The following ZER1 variants were observed in gnomAD, a reference collection of about 807,000 sequenced individuals.
The protein encoded by ZER1 is zyg-11 related cell cycle regulator.
ZER1 carries 11 observed loss-of-function variants against 78.8 expected under a neutral mutation model. The ratio of observed to expected loss-of-function variants is 0.14; its 90% CI spans 0.09 to 0.23. The LOEUF (loss-of-function observed/expected upper bound fraction) is 0.23, where lower values mean the gene tolerates loss of function less well. Ranked by LOEUF, ZER1 falls within the 10% of genes least tolerant of loss-of-function variation. ZER1 has a pLI of 1.00. For synonymous variants in ZER1, 400 were observed against 407.0 expected, an observed-to-expected ratio of 0.98 and a Z score of 0.21; for missense variants, 588 against 996.9, an observed-to-expected ratio of 0.59 and a Z score of 5.52.
Position 128,754,476 on chromosome 9 carries a change from T to C in ZER1, c.159-517A>G, listed in dbSNP as rs1308892546. Among the ~76,000 whole-genome samples the C allele has an allele frequency of 6.6e-6, 1 of 152,198 alleles. No individual in the cohort carries two copies. Among genetic ancestry groups the C allele is most frequent in the Non-Finnish European group, 1.5e-5 (1 of 68,034 alleles). On this transcript the variant is annotated intron_variant, in intron 2 of 15. Transcript: ENST00000291900. This position sits in a 1 kb window ranked among gnomAD's most constrained non-coding sequence, Gnocchi z 4.3. Reference sequence around the variant, plus strand: ...AATCTTGGCTTGGCTGCTTCCTACCTGGGCAACTTCACACAAGTAAATGAA... The same window carrying C: ...AATCTTGGCTTGGCTGCTTCCTACCCGGGCAACTTCACACAAGTAAATGAA...
chr9:128,738,585 C>T (rs1303746138), intron 13 of ZER1, among the ~76,000 whole-genome samples: 2 of 150,166 alleles, frequency 1.3e-5, no homozygotes, highest in East Asian at 3.9e-4. Flanking sequence ...TGGGGTTTCA[C>T]TGCGTTAGCC....
Position 128,754,083 on chromosome 9 carries a change from A to C in ZER1, c.159-124T>G. The stretch of plus-strand genomic sequence containing the variant: ...CCCAAGTAGCAACCTCCTTCTCCTA[A>C]GAGTATCTGGTCAGATCCTGACTAA... On this transcript the variant is annotated intron_variant, in intron 2 of 15. Transcript: ENST00000291900. The surrounding 1 kb of genome is among the most constrained non-coding windows in gnomAD (Gnocchi z 4.3). 1 of 1,240,582 alleles carries C rather than the reference A, an allele frequency of 8.1e-7. No individual in the cohort carries two copies. Among genetic ancestry groups the C allele is most frequent in the Non-Finnish European group, 1.1e-6 (1 of 897,582 alleles). 76.8% of individuals were successfully genotyped at this position (1,240,582 alleles called of 1,614,324 possible).
intron 4 of ZER1, 90 bp from the exon 5 acceptor site, chr9:128,752,939 G>T: frequency 2.0e-6 from 3 of 1,477,510 alleles, no homozygotes; most frequent in Non-Finnish European, 2.7e-6. Context: ...TGTAGCAGGG[G>T]AGGGCCCATT....
chr9:128,755,603 TC>T lies in ZER1; in HGVS notation c.-39del. ...CAGGTGGGCCACTCCAGGACAAGGA[TC>T]CCCAGGGGCAACAGTGATTCCTGAA... On this transcript the variant is annotated 5_prime_UTR_variant, in exon 2 of 16. Coordinates refer to ENST00000291900, the MANE Select transcript of ZER1 (RefSeq NM_006336.4). This position sits in a 1 kb window ranked among gnomAD's most constrained non-coding sequence, Gnocchi z 5.6. 6 of 1,592,536 alleles carry T rather than the reference TC, an allele frequency of 3.8e-6. No individual in the cohort carries two copies. The highest frequency in any genetic ancestry group is 5.2e-6 in the Non-Finnish European group (6 of 1,162,956).
chr9:128,751,241 C>T lies in ZER1; in HGVS notation c.1066G>A (p.Val356Met). ...GTGTAGGCCTCGATGGCATTCAGCACCTGCTCTTCGTTTTTGTCACCACTT... is the reference window on the plus strand; with the variant it reads ...GTGTAGGCCTCGATGGCATTCAGCATCTGCTCTTCGTTTTTGTCACCACTT... ...KVSGDKNEEQ[V>M]LNAIEAYTEH... The change falls in exon 7 of 16, where the codon GTG becomes ATG. Residue 356 changes from valine to methionine, a missense_variant. By Grantham distance (21) the Val-to-Met change is conservative. This residue lies in a region of ZER1 where 406 missense variants were observed against 660.1 expected (regional missense o/e 0.62). Transcript: ENST00000291900. The surrounding 1 kb of genome is among the most constrained non-coding windows in gnomAD (Gnocchi z 5.4). 6 of 1,601,438 alleles carry T rather than the reference C, an allele frequency of 3.7e-6. No individual in the cohort carries two copies. The highest frequency in any genetic ancestry group is 5.1e-6 in the Non-Finnish European group (6 of 1,169,550).
In ZER1 at chr9:128,762,116, T is replaced by C. The variant is rs556358878; in HGVS notation, c.-94-6457A>G. On this transcript the variant is annotated intron_variant, in intron 1 of 15. Coordinates refer to ENST00000291900, the MANE Select transcript of ZER1 (RefSeq NM_006336.4). ...AACATTATGACATTTATGGACTTTT[T>C]TTTTTTTTTAGCTCATCTGCTGTTG... 4.6e-5 allele frequency among the ~76,000 whole-genome samples: 7 copies of C among 152,278 alleles called. No individual in the cohort carries two copies. In the East Asian group the frequency reaches 7.7e-4, roughly 17 times the overall value.
intron 1 of ZER1, among the ~76,000 whole-genome samples, chr9:128,760,471 G>A (rs1176938907): frequency 6.6e-6 from 1 of 152,110 alleles, no homozygotes; most frequent in African/African-American, 2.4e-5. Context: ...CAAAGTGCTG[G>A]GATTACAGGC....
chr9:128,740,653 G>C lies in ZER1; in HGVS notation c.1853+119C>G. 1 of 612,758 alleles carries C rather than the reference G, an allele frequency of 1.6e-6. No homozygotes were observed. The highest frequency in any genetic ancestry group is 3.0e-6 in the Non-Finnish European group (1 of 336,474). The allele number at this position is 612,758 out of a possible 1,614,324, so 38.0% of individuals were successfully genotyped here. A position where few individuals can be genotyped will look rare whatever the true frequency, so the allele number is the denominator to read the frequency against. On this transcript the variant is annotated intron_variant, in intron 12 of 15. Coordinates refer to ENST00000291900, the MANE Select transcript of ZER1 (RefSeq NM_006336.4). The surrounding 1 kb of genome is among the most constrained non-coding windows in gnomAD (Gnocchi z 4.4). The stretch of plus-strand genomic sequence containing the variant: ...TGAATGAATAAGAAACCACATTATC[G>C]AGGGAAAATGACATTTATAGCAAAC...
intron 14 of ZER1, 47 bp downstream of exon 14, chr9:128,735,287 G>C (rs763688091): frequency 6.5e-7 from 1 of 1,549,008 alleles, no homozygotes; most frequent in Non-Finnish European, 8.8e-7. Context: ...GGGCACATCT[G>C]CTTTCAGCTG....
At chr9:128,736,348 A>G (rs1463581781) in intron 13 of ZER1, among the ~76,000 whole-genome samples, 1 of 151,690 alleles carries the variant, frequency 6.6e-6, no homozygotes, top group Non-Finnish European at 1.5e-5. Context: ...GGCCTCCCAA[A>G]GTGCTGGGAT....
rs910400535 is a variant in ZER1 at position 128,732,672 on chromosome 9, G to C, written c.2243+754C>G. On this transcript the variant is annotated intron_variant, in intron 15 of 15. Transcript: ENST00000291900. The surrounding 1 kb of genome is among the most constrained non-coding windows in gnomAD (Gnocchi z 4.8). The stretch of plus-strand genomic sequence containing the variant: ...TGAGCCACTTCGCCTGGCCAGTAGC[G>C]CCTTTGGCCAGATATAATAGCAGAA... 1.3e-5 allele frequency among the ~76,000 whole-genome samples: 2 copies of C among 152,146 alleles called. No homozygotes were observed. Among genetic ancestry groups the C allele is most frequent in the African/African-American group, 4.8e-5 (2 of 41,442 alleles).
intron 8 of ZER1, among the ~76,000 whole-genome samples, chr9:128,745,170 C>T (rs376584726): frequency 2.0e-5 from 3 of 150,660 alleles, no homozygotes. Context: ...GTACTGTCTG[C>T]AGGTTTATTT....
At chr9:128,768,083 TG>T (rs1264800967) in intron 1 of ZER1, among the ~76,000 whole-genome samples, 1 of 152,166 alleles carries the variant, frequency 6.6e-6, no homozygotes, top group African/African-American at 2.4e-5. Context: ...CCAATAATTA[TG>T]AAGAGTGATG....
chr9:128,733,570 T>C (rs1263690472), intron 14 of ZER1, 42 bp from the exon 15 acceptor site: 2 of 1,575,258 alleles, frequency 1.3e-6, no homozygotes, highest in African/African-American at 2.7e-5. Context: ...GGATGGGTCT[T>C]CTTATCAGCC....
At position 128,731,059 on chromosome 9, in the gene ZER1, G is replaced by C. The variant is rs540274487; in HGVS notation, c.*278C>G. 5.9e-6 allele frequency: 1 copy of C among 168,720 alleles called. No individual in the cohort carries two copies. The highest frequency in any genetic ancestry group is 2.4e-5 in the African/African-American group (1 of 41,944). 10.5% of individuals were successfully genotyped at this position (168,720 alleles called of 1,614,324 possible). ...ATGAAGGCTGAGTGGGTTTGAGAAT[G>C]GCCAAGGAAGCTGCAAGGACTCAGG... On this transcript the variant is annotated 3_prime_UTR_variant, in exon 16 of 16. Coordinates refer to ENST00000291900, the MANE Select transcript of ZER1 (RefSeq NM_006336.4).
At position 128,767,309 on chromosome 9, in the gene ZER1, C is replaced by T. The variant is rs188827667; in HGVS notation, c.-95+4272G>A. Among the ~76,000 whole-genome samples the T allele has an allele frequency of 2.2e-3, 340 of 152,058 alleles. 1 individual carries two copies. Among genetic ancestry groups the T allele is most frequent in the Non-Finnish European group, 3.6e-3 (244 of 68,006 alleles). The stretch of plus-strand genomic sequence containing the variant: ...TCACCCAGGCTGGAGTGCAGTGGTA[C>T]GATCTCAGCTCGCTGCAACCTCCAC... On this transcript the variant is annotated intron_variant, in intron 1 of 15. Coordinates refer to ENST00000291900, the MANE Select transcript of ZER1 (RefSeq NM_006336.4).
chr9:128,770,589 T>C (rs1864352733), intron 1 of ZER1, among the ~76,000 whole-genome samples: 3 of 152,274 alleles, frequency 2.0e-5, no homozygotes, highest in South Asian at 4.1e-4. Flanking sequence ...AACTCCCAAC[T>C]CCTTCCCCAT....
At chr9:128,765,568 C>T (rs186364701) in intron 1 of ZER1, among the ~76,000 whole-genome samples, 1 of 152,260 alleles carries the variant, frequency 6.6e-6, no homozygotes, top group Non-Finnish European at 1.5e-5. Context: ...GAGGTGGGAG[C>T]ATGGGATCCC....
rs538440686 is a variant in ZER1 at position 128,732,017 on chromosome 9, G to A, written c.2244-623C>T. Among the ~76,000 whole-genome samples, 14 of 152,376 alleles carry A rather than the reference G, an allele frequency of 9.2e-5. No homozygotes were observed. In the East Asian group the frequency reaches 1.5e-3, roughly 17 times the overall value. On this transcript the variant is annotated intron_variant, in intron 15 of 15. Transcript: ENST00000291900. The surrounding 1 kb of genome is among the most constrained non-coding windows in gnomAD (Gnocchi z 4.8). Reference sequence around the variant, plus strand: ...GGACAGCTTGCCCATTCAACACCAAGCCTGTGGTTTGGGGGCTTCACTGCA... The same window carrying A: ...GGACAGCTTGCCCATTCAACACCAAACCTGTGGTTTGGGGGCTTCACTGCA...
Sources: gnomAD v4.1 joint callset for allele counts (sites outside exome capture counted in the v4.1 genomes callset) on GRCh38, gnomAD v4.1.1 for gene constraint, gnomAD v4.1.1 regional missense constraint, Gnocchi (gnomAD v3.1) non-coding constraint, MANE v1.5 for transcripts, NCBI Gene and HGNC (gene_info 2026-07-23, HGNC 2026-07-21) for gene names.